ATP10A: variants seen among roughly 807,000 people sequenced by gnomAD.
ATP10A encodes ATPase phospholipid transporting 10A (putative), also known as phospholipid-transporting ATPase VA.
ATP10A carries 111 observed loss-of-function variants against 147.8 expected under a neutral mutation model. The ratio of observed to expected loss-of-function variants is 0.75; its 90% CI spans 0.64 to 0.88. ATP10A has a LOEUF of 0.88. Ranked by LOEUF, ATP10A falls within the 40% of genes least tolerant of loss-of-function variation. The pLI is 0.00. For missense variants in ATP10A, 1,927 were observed against 1,959.0 expected, an observed-to-expected ratio of 0.98 and a Z score of 0.31; for synonymous variants, 875 against 841.6, an observed-to-expected ratio of 1.04 and a Z score of -0.69.
chr15:25,851,816 G>T (rs1893311753), intron 1 of ATP10A, among the ~76,000 whole-genome samples: 1 of 152,182 alleles, frequency 6.6e-6, no homozygotes, highest in Non-Finnish European at 1.5e-5. Flanking sequence ...TGCGGTCTCA[G>T]TATTTTGGGA....
chr15:25,847,131 C>A (rs1178745339), intron 1 of ATP10A, among the ~76,000 whole-genome samples: 1 of 152,242 alleles, frequency 6.6e-6, no homozygotes, highest in African/African-American at 2.4e-5. Context: ...TGGTGTTAGA[C>A]ACTTTCTCAA....
chr15:25,764,828 G>T (rs1888940826), intron 2 of ATP10A, among the ~76,000 whole-genome samples: 1 of 152,196 alleles, frequency 6.6e-6, no homozygotes, highest in Non-Finnish European at 1.5e-5. Flanking sequence ...CTACCTTCGG[G>T]TTTAGGAGTG....
At chr15:25,772,920 T>A (rs565044594) in intron 2 of ATP10A, among the ~76,000 whole-genome samples, 30 of 152,326 alleles carry the variant, frequency 2.0e-4, no homozygotes, top group South Asian at 4.1e-4. Flanking sequence ...GCAGGCCTGA[T>A]CTCAGCTTGG....
intron 1 of ATP10A, among the ~76,000 whole-genome samples, chr15:25,833,251 G>C (rs1892439823): frequency 6.6e-6 from 1 of 151,968 alleles, no homozygotes; most frequent in East Asian, 1.9e-4. Context: ...CCAAAGTGCT[G>C]GGATTACAGG....
At chr15:25,798,546 G>C (rs1890792162) in intron 1 of ATP10A, among the ~76,000 whole-genome samples, 2 of 152,168 alleles carry the variant, frequency 1.3e-5, no homozygotes, top group Non-Finnish European at 2.9e-5. Flanking sequence ...CCCTGCAATA[G>C]CTCCTGGGGG....
At chr15:25,673,586 G>A (rs1017369624), downstream of ATP10A, among the ~76,000 whole-genome samples, 2 of 152,202 alleles carry the variant, frequency 1.3e-5, no homozygotes, top group South Asian at 2.1e-4. Flanking sequence ...TGACGGAGAT[G>A]TCACTCTGCA....
rs1279652766 is a variant in ATP10A at position 25,686,834 on chromosome 15, C to A, written c.3291+869G>T. On this transcript the variant is annotated intron_variant, in intron 16 of 20. Coordinates refer to ENST00000555815, the MANE Select transcript of ATP10A (RefSeq NM_024490.4). ...TCCATCCTGCAGGGCTATGGAGGAG[C>A]CCATCTGCCAAAGAAGCAGTGAAGA... Among the ~76,000 whole-genome samples, 2 of 107,800 alleles carry A rather than the reference C, an allele frequency of 1.9e-5. 1 individual carries two copies. Among genetic ancestry groups the A allele is most frequent in the Non-Finnish European group, 3.3e-5 (2 of 59,824 alleles). 70.7% of individuals were successfully genotyped at this position (107,800 alleles called of 152,430 possible).
At position 25,722,615 on chromosome 15, in the gene ATP10A, C is replaced by T. The variant is rs75024359; in HGVS notation, c.1111-706G>A. Reference sequence around the variant, plus strand: ...CTGGGTTCTCCTGGGAACTGAAGTACGTTAATCAAACACCAGCTACAGTCC... The same window carrying T: ...CTGGGTTCTCCTGGGAACTGAAGTATGTTAATCAAACACCAGCTACAGTCC... On this transcript the variant is annotated intron_variant, in intron 6 of 20. Transcript: ENST00000555815. 4.9e-3 allele frequency among the ~76,000 whole-genome samples: 750 copies of T among 152,290 alleles called. 10 individuals carry two copies. Among genetic ancestry groups the T allele is most frequent in the African/African-American group, 0.017 (716 of 41,554 alleles).
chr15:25,825,672 A>G (rs1021388405), intron 1 of ATP10A, among the ~76,000 whole-genome samples: 30 of 152,382 alleles, frequency 2.0e-4, no homozygotes, highest in African/African-American at 7.2e-4. Flanking sequence ...GCTGGTTCAT[A>G]AAAGTCAATA....
chr15:25,803,784 G>A (rs1487139616), intron 1 of ATP10A, among the ~76,000 whole-genome samples: 1 of 152,184 alleles, frequency 6.6e-6, no homozygotes, highest in Non-Finnish European at 1.5e-5. Flanking sequence ...TGGACAACTC[G>A]CAAACCTCCG....
Position 25,704,193 on chromosome 15 carries a change from G to A in ATP10A, c.2576-2093C>T, listed in dbSNP as rs778649895. Among the ~76,000 whole-genome samples the A allele has an allele frequency of 4.6e-5, 7 of 151,210 alleles. No individual in the cohort carries two copies. The East Asian group carries it at 1.3e-3, about 29-fold the overall frequency. ...GGTTCCTTGATGTCTGGGGAAGACAGGGATGGTCTTGCCTTCCTCTGTGTG... is the reference window on the plus strand; with the variant it reads ...GGTTCCTTGATGTCTGGGGAAGACAAGGATGGTCTTGCCTTCCTCTGTGTG... On this transcript the variant is annotated intron_variant, in intron 12 of 20. Transcript: ENST00000555815.
At chr15:25,769,084 G>C (rs1380584994) in intron 2 of ATP10A, among the ~76,000 whole-genome samples, 1 of 152,108 alleles carries the variant, frequency 6.6e-6, no homozygotes, top group Non-Finnish European at 1.5e-5. Flanking sequence ...ACACATGCAT[G>C]CACACGCGCT....
chr15:25,798,903 C>T (rs1890808367), intron 1 of ATP10A, among the ~76,000 whole-genome samples: 1 of 47,960 alleles, frequency 2.1e-5, no homozygotes, highest in African/African-American at 6.6e-5. Context: ...CGGAGGCCCC[C>T]GACTGGCTTG....
At chr15:25,855,401 C>T (rs994369475) in intron 1 of ATP10A, among the ~76,000 whole-genome samples, 31 of 152,094 alleles carry the variant, frequency 2.0e-4, no homozygotes, top group East Asian at 3.8e-4. Flanking sequence ...TTTCAACAGA[C>T]GTAGAAAAAG....
chr15:25,681,493 A>C (rs1201728069), intron 17 of ATP10A, among the ~76,000 whole-genome samples: 1 of 152,202 alleles, frequency 6.6e-6, no homozygotes, highest in Non-Finnish European at 1.5e-5. Flanking sequence ...ATTCCCGAAT[A>C]AACACCATTC....
chr15:25,708,241 C>G lies in ATP10A; in HGVS notation c.2404G>C (p.Val802Leu), dbSNP rs539643535. Reference sequence around the variant, plus strand: ...GTGCGCAGGCCTTCCGCCGCATACACGTTGAGGTAATTCTGAGTTTTGCTC... The same window carrying G: ...GTGCGCAGGCCTTCCGCCGCATACAGGTTGAGGTAATTCTGAGTTTTGCTC... ...IRSKTQNYLN[V>L]YAAEGLRTLC... Residue 802 changes from valine to leucine, a missense_variant, in exon 11 of 21, where the codon GTG becomes CTG. By Grantham distance (32) the Val-to-Leu change is conservative. Coordinates refer to ENST00000555815, the MANE Select transcript of ATP10A (RefSeq NM_024490.4). 2 of 1,614,200 alleles carry G rather than the reference C, an allele frequency of 1.2e-6. No individual in the cohort carries two copies. The highest frequency in any genetic ancestry group is 2.2e-5 in the South Asian group (2 of 91,082).
intron 1 of ATP10A, among the ~76,000 whole-genome samples, chr15:25,860,996 C>A (rs1377916826): frequency 6.6e-6 from 1 of 152,126 alleles, no homozygotes; most frequent in Non-Finnish European, 1.5e-5. Context: ...GTGGTGGAGG[C>A]CTCGCTCAGG....
intron 1 of ATP10A, among the ~76,000 whole-genome samples, chr15:25,839,399 A>T (rs1370950205): frequency 6.6e-6 from 1 of 152,220 alleles, no homozygotes; most frequent in South Asian, 2.1e-4. Context: ...GGTCTGGGGG[A>T]AAAAAAGCAA....
At chr15:25,745,776 A>G (rs926838684) in intron 2 of ATP10A, among the ~76,000 whole-genome samples, 3 of 152,204 alleles carry the variant, frequency 2.0e-5, no homozygotes, top group Non-Finnish European at 2.9e-5. Context: ...TTGCTTAAAA[A>G]GGGCCCTTGA....
Sources: gnomAD v4.1 joint callset for allele counts (sites outside exome capture counted in the v4.1 genomes callset) on GRCh38, gnomAD v4.1.1 for gene constraint, MANE v1.5 for transcripts, NCBI Gene and HGNC (gene_info 2026-07-23, HGNC 2026-07-21) for gene names.